Variants in FSTL4 observed in about 807,000 individuals in gnomAD.
FSTL4 encodes the protein follistatin-related protein 4.
FSTL4 carries 28 observed loss-of-function variants against 78.2 expected under a neutral mutation model. The observed-to-expected ratio is 0.36, with a 90% CI of 0.27 to 0.49. FSTL4 has a LOEUF of 0.49. Ranked by LOEUF, FSTL4 falls within the 20% of genes least tolerant of loss-of-function variation. FSTL4 has a pLI of 0.98. For missense variants in FSTL4, 922 were observed against 1,084.9 expected (o/e 0.85, Z 2.11); for synonymous variants, 422 against 440.5 (o/e 0.96, Z 0.53).
intron 6 of FSTL4, among the ~76,000 whole-genome samples, chr5:133,283,414 A>G (rs1161153963): frequency 1.3e-5 from 2 of 152,226 alleles, no homozygotes; most frequent in Non-Finnish European, 2.9e-5. Flanking sequence ...CAAGTGACAA[A>G]GAAAGCAATA....
At chr5:133,672,108 T>C in the FSTL4 span, among the ~76,000 whole-genome samples, 1 of 152,244 alleles carries the variant, frequency 6.6e-6, no homozygotes, top group South Asian at 2.1e-4. Context: ...TTTGTTAATA[T>C]CCTGGTTCTC....
At chr5:133,287,440 C>T (rs1753160599) in intron 6 of FSTL4, among the ~76,000 whole-genome samples, 1 of 151,268 alleles carries the variant, frequency 6.6e-6, no homozygotes, top group Admixed American at 6.6e-5. Context: ...AGGAGGTGAA[C>T]ACTATTGCTG....
the FSTL4 span, among the ~76,000 whole-genome samples, chr5:133,674,551 G>C: frequency 6.6e-6 from 1 of 152,100 alleles, no homozygotes. Flanking sequence ...AAATCCCGTA[G>C]AGAACGAGAC....
At chr5:133,495,127 CACACATGCTAGCCCACTT>C (rs1758343935) in intron 3 of FSTL4, among the ~76,000 whole-genome samples, 1 of 152,206 alleles carries the variant, frequency 6.6e-6, no homozygotes, top group Non-Finnish European at 1.5e-5. Context: ...GAAGGATCCA[CACACATGCTAGCCCACTT>C]ACACACCGGT....
chr5:133,206,487 G>C (rs1261481952), intron 14 of FSTL4, among the ~76,000 whole-genome samples: 5 of 151,800 alleles, frequency 3.3e-5, no homozygotes, highest in African/African-American at 1.2e-4. Context: ...TCAGCCTCCT[G>C]AGTCGCTGGG....
At chr5:133,710,703 C>G in the FSTL4 span, among the ~76,000 whole-genome samples, 1 of 152,214 alleles carries the variant, frequency 6.6e-6, no homozygotes, top group Non-Finnish European at 1.5e-5. Context: ...AGGCACTTGG[C>G]TGTGCAACCT....
chr5:133,540,341 A>C (rs2112917974), intron 3 of FSTL4, among the ~76,000 whole-genome samples: 1 of 152,202 alleles, frequency 6.6e-6, no homozygotes, highest in Middle Eastern at 3.4e-3. Flanking sequence ...TTCCAAGAAA[A>C]GCCAAACTCA....
intron 3 of FSTL4, among the ~76,000 whole-genome samples, chr5:133,423,992 G>A (rs1361824501): frequency 6.6e-6 from 1 of 152,204 alleles, no homozygotes; most frequent in Non-Finnish European, 1.5e-5. Context: ...CTTACCACCA[G>A]GTGTCGCTGT....
At chr5:133,404,081 G>A (rs921930655) in intron 3 of FSTL4, among the ~76,000 whole-genome samples, 7 of 152,144 alleles carry the variant, frequency 4.6e-5, no homozygotes, top group East Asian at 1.9e-4. Context: ...ATTGGCTGTC[G>A]GCAAATATTT....
chr5:133,385,813 A>C (rs1755685054), intron 4 of FSTL4, among the ~76,000 whole-genome samples: 1 of 152,256 alleles, frequency 6.6e-6, no homozygotes, highest in Non-Finnish European at 1.5e-5. Flanking sequence ...TTGTCGAGTC[A>C]AGAGTGGCTA....
At chr5:133,303,739 C>T (rs1046011575) in intron 6 of FSTL4, among the ~76,000 whole-genome samples, 2 of 152,190 alleles carry the variant, frequency 1.3e-5, no homozygotes, top group African/African-American at 4.8e-5. Context: ...GAGCAACAAG[C>T]TAGAGAACTG....
At chr5:133,425,364 A>G (rs905681708) in intron 3 of FSTL4, among the ~76,000 whole-genome samples, 3 of 152,192 alleles carry the variant, frequency 2.0e-5, no homozygotes, top group Non-Finnish European at 2.9e-5. Flanking sequence ...GGCAGAGATA[A>G]TGCCATCCCC....
chr5:133,240,206 A>T (rs1290818715), intron 7 of FSTL4, among the ~76,000 whole-genome samples: 3 of 152,160 alleles, frequency 2.0e-5, no homozygotes, highest in African/African-American at 4.8e-5. Flanking sequence ...CAAACTCTGG[A>T]CACGCTGCCT....
At chr5:133,670,788 G>A in the FSTL4 span, among the ~76,000 whole-genome samples, 42 of 152,176 alleles carry the variant, frequency 2.8e-4, no homozygotes, top group African/African-American at 9.9e-4. Flanking sequence ...GACTTTGAGG[G>A]TCTTCAGAGG....
At chr5:133,826,450 T>C in the FSTL4 span, among the ~76,000 whole-genome samples, 20 of 152,276 alleles carry the variant, frequency 1.3e-4, no homozygotes, top group African/African-American at 4.8e-4. Flanking sequence ...CCAGACTCCC[T>C]CCAGGGACCC....
intron 3 of FSTL4, among the ~76,000 whole-genome samples, chr5:133,408,202 G>A (rs1042244596): frequency 4.6e-5 from 7 of 152,138 alleles, no homozygotes; most frequent in African/African-American, 1.7e-4. Context: ...GGCAGATCTA[G>A]TAAACAAGGT....
At chr5:133,657,708 C>T in the FSTL4 span, among the ~76,000 whole-genome samples, 4 of 150,770 alleles carry the variant, frequency 2.7e-5, no homozygotes, top group Admixed American at 1.3e-4. Context: ...CTTTTTTACT[C>T]AACACTATTT....
the FSTL4 span, among the ~76,000 whole-genome samples, chr5:133,799,469 C>T: frequency 7.2e-6 from 1 of 138,764 alleles, no homozygotes; most frequent in Non-Finnish European, 1.6e-5. Flanking sequence ...CATCTCCATA[C>T]CTCCGAGCTC....
At chr5:133,638,259 G>A in the FSTL4 span, among the ~76,000 whole-genome samples, 4 of 152,128 alleles carry the variant, frequency 2.6e-5, no homozygotes, top group African/African-American at 7.2e-5. Flanking sequence ...GTTGCATCCG[G>A]AGCTCCCTTC....
Sources: allele counts gnomAD v4.1 joint callset (sites outside exome capture counted in the v4.1 genomes callset), GRCh38; gene constraint gnomAD v4.1.1; transcripts MANE v1.5; gene names NCBI Gene and HGNC (gene_info 2026-07-23, HGNC 2026-07-21).